Variants in AKT1 observed in about 807,000 individuals in gnomAD.
The protein encoded by AKT1 is RAC-alpha serine/threonine-protein kinase.
In AKT1, 21 loss-of-function variants were observed where a neutral mutation model predicts 63.1. The observed-to-expected ratio is 0.33, with a 90% confidence interval of 0.24 to 0.48. The LOEUF is 0.48. Among genes scored for constraint, AKT1 ranks in the 20% least tolerant of loss-of-function variants. The probability of loss-of-function intolerance (pLI) is 0.99; values close to 1 mark genes in which losing one functional copy is unlikely to be tolerated. For synonymous variants in AKT1, 257 were observed against 253.1 expected, an observed-to-expected ratio of 1.02 and a Z score of -0.15; for missense variants, 382 against 666.0, an observed-to-expected ratio of 0.57 and a Z score of 4.69.
chr14:104,776,245 C>G lies in AKT1; in HGVS notation c.287+414G>C, dbSNP rs112667504. 2.1e-4 allele frequency: 43 copies of G among 202,312 alleles called. 2 individuals carry two copies. Among genetic ancestry groups the G allele is most frequent in the African/African-American group, 9.8e-4 (42 of 42,872 alleles). The allele number at this position is 202,312 out of a possible 1,614,324, so 12.5% of individuals were successfully genotyped here. A position where few individuals can be genotyped will look rare whatever the true frequency, so the allele number is the denominator to read the frequency against. On this transcript the variant is annotated intron_variant, in intron 5 of 14. Coordinates refer to ENST00000649815, the MANE Select transcript of AKT1 (RefSeq NM_001382430.1). ...TCCTGCAGCCTCTGCCTCTCGGGTT[C>G]AAGCGATTCTTGTGCCTCAGCCTCC... is the stretch of plus-strand genomic sequence containing the variant.
rs921355234 is a variant in AKT1, at chr14:104,776,465, C to T, written c.287+194G>A. 7.4e-6 allele frequency: 4 copies of T among 538,682 alleles called. No homozygotes were observed. In the Admixed American group the frequency reaches 1.4e-4, roughly 19 times the overall value. The allele number at this position is 538,682 out of a possible 1,614,324, so 33.4% of individuals were successfully genotyped here. A position where few individuals can be genotyped will look rare whatever the true frequency, so the allele number is the denominator to read the frequency against. Reference sequence around the variant, plus strand: ...CCCGGTCCCTAGCCAGTTTTTATCTCCAGCCTCAGTTTCCCCACCCAAACC... The same window carrying T: ...CCCGGTCCCTAGCCAGTTTTTATCTTCAGCCTCAGTTTCCCCACCCAAACC... On this transcript the variant is annotated intron_variant, in intron 5 of 14. Coordinates refer to ENST00000649815, the MANE Select transcript of AKT1 (RefSeq NM_001382430.1).
chr14:104,787,077 AAC>A (rs1893369246), intron 3 of AKT1, among the ~76,000 whole-genome samples: 1 of 152,072 alleles, frequency 6.6e-6, no homozygotes, highest in Non-Finnish European at 1.5e-5. Flanking sequence ...TGTGAGCCCA[AAC>A]ACAGCGCCCC....
At chr14:104,776,070 G>C in intron 5 of AKT1, 1 of 272,592 alleles carries the variant, frequency 3.7e-6, no homozygotes, top group Non-Finnish European at 6.2e-6. Context: ...CCGCCCCCCA[G>C]CAGGACTCCG....
In AKT1 at chr14:104,780,260, C is replaced by A. The variant is rs546792309; in HGVS notation, c.47-44G>T. The stretch of plus-strand genomic sequence containing the variant: ...TGAGAGCCACGCACACTCTACCCGT[C>A]AGACCCTCGCCAGGCAGCCAGGCAG... On this transcript the variant is annotated intron_variant, in intron 3 of 14. Coordinates refer to ENST00000649815, the MANE Select transcript of AKT1 (RefSeq NM_001382430.1). 3.1e-6 allele frequency: 5 copies of A among 1,600,974 alleles called. No individual in the cohort carries two copies. In the East Asian group the frequency reaches 1.1e-4, roughly 36 times the overall value.
intron 5 of AKT1, 79 bp from the exon 6 acceptor site, chr14:104,775,878 T>C: frequency 2.0e-6 from 3 of 1,530,346 alleles, no homozygotes; most frequent in Non-Finnish European, 2.6e-6. Context: ...CCCGCCAGCC[T>C]CACAAGCGTG....
intron 3 of AKT1, among the ~76,000 whole-genome samples, chr14:104,780,721 C>G (rs537804200): frequency 2.0e-5 from 3 of 152,234 alleles, no homozygotes; most frequent in Admixed American, 1.3e-4. Context: ...CCGCCCCCCC[C>G]GCCCCGCCGC....
chr14:104,774,177 A>C, intron 8 of AKT1, 197 bp from the exon 9 acceptor site: 3 of 509,694 alleles, frequency 5.9e-6, no homozygotes, highest in Non-Finnish European at 1.0e-5. Flanking sequence ...ACACCCCATC[A>C]CACTGCCCCA....
chr14:104,772,870 GC>G lies in AKT1; in HGVS notation c.1172+7del. ...GTGTAGCCTGTAGCTGGGATGGGCG[GC>G]CCTCACCTCTGCTTGGGGTCCTTCT... is the stretch of plus-strand genomic sequence containing the variant. On this transcript the variant is annotated splice_region_variant and intron_variant, in intron 12 of 14. Coordinates refer to ENST00000649815, the MANE Select transcript of AKT1 (RefSeq NM_001382430.1). 6.2e-7 allele frequency: 1 copy of G among 1,604,478 alleles called. No individual in the cohort carries two copies.
rs765823897 is a variant in AKT1 at position 104,770,432 on chromosome 14, G to A, written c.1364-12C>T. On this transcript the variant is annotated splice_polypyrimidine_tract_variant and intron_variant, in intron 14 of 14. Transcript: ENST00000649815. ...CTCCATGCTGTCATCTGTGGGTGTAGACAGCTCAGACCCCGGTGCCCCACC... is the reference window on the plus strand; with the variant it reads ...CTCCATGCTGTCATCTGTGGGTGTAAACAGCTCAGACCCCGGTGCCCCACC... 8 of 1,582,852 alleles carry A rather than the reference G, an allele frequency of 5.1e-6. No homozygotes were observed. The African/African-American group carries it at 8.1e-5, about 16-fold the overall frequency.
At chr14:104,775,294 A>G in intron 6 of AKT1, 87 bp from the exon 7 acceptor site, 1 of 1,585,318 alleles carries the variant, frequency 6.3e-7, no homozygotes, top group Non-Finnish European at 8.5e-7. Context: ...GGGGCCCCAG[A>G]GTCGGAGGCA....
At chr14:104,772,003 A>G (rs1448693248) in intron 13 of AKT1, 2 of 430,294 alleles carry the variant, frequency 4.6e-6, no homozygotes, top group Non-Finnish European at 8.5e-6. Context: ...GCCAAGGGGC[A>G]GCACCCCTGG....
intron 3 of AKT1, among the ~76,000 whole-genome samples, chr14:104,788,675 C>A (rs868739508): frequency 6.6e-6 from 1 of 152,176 alleles, no homozygotes; most frequent in Non-Finnish European, 1.5e-5. Context: ...TCAGTGCCCC[C>A]CCGCAGGGAC....
Position 104,780,052 on chromosome 14 carries a change from C to T in AKT1, c.175+36G>A, listed in dbSNP as rs750000813. The stretch of plus-strand genomic sequence containing the variant: ...GCAAAGAGGGCTCCAGCCAACCCCC[C>T]AAATCTGAATCCCGAGAGGCCAAGG... On this transcript the variant is annotated intron_variant, in intron 4 of 14. Transcript: ENST00000649815. 5 of 1,606,794 alleles carry T rather than the reference C, an allele frequency of 3.1e-6. No individual in the cohort carries two copies. In the South Asian group the frequency reaches 5.5e-5, roughly 18 times the overall value.
At chr14:104,773,226 G>A (rs1479788910) in intron 11 of AKT1, 25 bp downstream of exon 11, 36 of 1,613,964 alleles carry the variant, frequency 2.2e-5, no homozygotes, top group African/African-American at 2.7e-5. Context: ...GCAGCAACGC[G>A]TATGCACGCA....
chr14:104,780,718 CCCCGCCCCG>C (rs988123450), intron 3 of AKT1, among the ~76,000 whole-genome samples: 3 of 152,158 alleles, frequency 2.0e-5, no homozygotes, highest in African/African-American at 7.2e-5. Context: ...TGGCCGCCCC[CCCCGCCCCG>C]CCGCCACCCA....
intron 3 of AKT1, among the ~76,000 whole-genome samples, chr14:104,785,951 G>T (rs1451905180): frequency 6.6e-6 from 1 of 152,006 alleles, no homozygotes; most frequent in African/African-American, 2.4e-5. Flanking sequence ...CCCTGGTGCT[G>T]CCCCTGACAG....
rs2140948821 is a variant in AKT1, at chr14:104,780,115, C to T, written c.148G>A (p.Ala50Thr). 1.2e-6 allele frequency: 2 copies of T among 1,613,660 alleles called. No homozygotes were observed. Among genetic ancestry groups the T allele is most frequent in the Admixed American group, 1.7e-5 (1 of 60,006 alleles). The change falls in exon 4 of 15, where the codon GCT becomes ACT. Residue 50 changes from alanine (A) to threonine (T), a missense_variant. Physicochemically the swap from Ala to Thr is moderately conservative, Grantham distance 58. Coordinates refer to ENST00000649815, the MANE Select transcript of AKT1 (RefSeq NM_001382430.1). ...ERPQDVDQRE[A>T]PLNNFSVAQC... The stretch of plus-strand genomic sequence containing the variant: ...GCCACAGAGAAGTTGTTGAGGGGAG[C>T]CTCACGTTGGTCCACATCCTGCGGC...
In AKT1 at chr14:104,769,969, C is replaced by T. The variant is rs1892282599; in HGVS notation, c.*372G>A. 2.3e-6 allele frequency: 1 copy of T among 431,178 alleles called. No homozygotes were observed. The highest frequency in any genetic ancestry group is 4.3e-6 in the Non-Finnish European group (1 of 233,032). 26.7% of individuals were successfully genotyped at this position (431,178 alleles called of 1,614,324 possible). ...TGACAGATAGCTGGTGACAGACAGC[C>T]CAGGGCGGCTGGCTGACAGAGTGAG... On this transcript the variant is annotated 3_prime_UTR_variant, in exon 15 of 15. Transcript: ENST00000649815.
At chr14:104,792,780 G>A (rs565579241) in intron 2 of AKT1, 58 bp from the exon 3 acceptor site, 21 of 1,110,016 alleles carry the variant, frequency 1.9e-5, no homozygotes, top group African/African-American at 9.2e-5. Flanking sequence ...GCAGCTCCTC[G>A]CCCTGGGTGA....
Sources: allele counts gnomAD v4.1 joint callset (sites outside exome capture counted in the v4.1 genomes callset), GRCh38; gene constraint gnomAD v4.1.1; transcripts MANE v1.5; gene names NCBI Gene and HGNC (gene_info 2026-07-23, HGNC 2026-07-21).